Variants in FRMD4A observed in about 807,000 individuals in gnomAD.
The protein encoded by FRMD4A is FERM domain-containing protein 4A.
A neutral mutation model predicts 129.1 loss-of-function variants in FRMD4A; 29 were observed. The observed-to-expected ratio is 0.22, with a 90% confidence interval of 0.17 to 0.31. The LOEUF is 0.31. Ranked by LOEUF, FRMD4A falls within the 10% of genes least tolerant of loss-of-function variation. The probability of loss-of-function intolerance (pLI) is 1.00; values close to 1 mark genes in which losing one functional copy is unlikely to be tolerated. For missense variants in FRMD4A, 1,272 were observed against 1,375.8 expected (o/e 0.92, Z 1.19); for synonymous variants, 634 against 571.6 (o/e 1.11, Z -1.56).
chr10:13,694,434 T>A (rs1437859137), intron 14 of FRMD4A, among the ~76,000 whole-genome samples: 1 of 152,026 alleles, frequency 6.6e-6, no homozygotes, highest in Non-Finnish European at 1.5e-5. Context: ...GTGGGAAGGG[T>A]GTTCCTCCCC....
At chr10:13,701,923 G>A (rs1420514378) in intron 13 of FRMD4A, among the ~76,000 whole-genome samples, 2 of 152,144 alleles carry the variant, frequency 1.3e-5, no homozygotes, top group African/African-American at 2.4e-5. Flanking sequence ...CCAGGGAATT[G>A]GGACTTCTTA....
At chr10:14,012,523 A>G (rs1406769315) in intron 2 of FRMD4A, among the ~76,000 whole-genome samples, 1 of 152,170 alleles carries the variant, frequency 6.6e-6, no homozygotes, top group African/African-American at 2.4e-5. Context: ...GGAATGTTCC[A>G]TTGGAGAGAG....
intron 13 of FRMD4A, among the ~76,000 whole-genome samples, chr10:13,706,410 C>G (rs1275192088): frequency 6.6e-6 from 1 of 152,178 alleles, no homozygotes; most frequent in African/African-American, 2.4e-5. Flanking sequence ...CACTGTCTTG[C>G]ATCTGACTTA....
chr10:13,822,416 C>T (rs2093643188), intron 3 of FRMD4A, among the ~76,000 whole-genome samples: 1 of 152,200 alleles, frequency 6.6e-6, no homozygotes, highest in Admixed American at 6.5e-5. Context: ...TTTTGCCAGA[C>T]AGTAAGTTCC....
intron 3 of FRMD4A, among the ~76,000 whole-genome samples, chr10:13,838,865 G>C (rs766869907): frequency 1.3e-5 from 2 of 151,660 alleles, no homozygotes; most frequent in African/African-American, 4.8e-5. Context: ...GACATTGCCC[G>C]TTTTCTTTAT....
At chr10:13,939,115 G>A (rs1037552074) in intron 2 of FRMD4A, among the ~76,000 whole-genome samples, 2 of 152,274 alleles carry the variant, frequency 1.3e-5, no homozygotes, top group East Asian at 1.9e-4. Flanking sequence ...GCAGCTACAC[G>A]GTAAGGCAAG....
At chr10:14,258,743 T>C (rs1427629650) in intron 2 of FRMD4A, among the ~76,000 whole-genome samples, 1 of 152,204 alleles carries the variant, frequency 6.6e-6, no homozygotes, top group African/African-American at 2.4e-5. Flanking sequence ...TTATTTGTGA[T>C]AGCCAAAAAT....
intron 2 of FRMD4A, among the ~76,000 whole-genome samples, chr10:14,020,664 CA>C (rs1368247446): frequency 1.3e-5 from 2 of 150,382 alleles, no homozygotes; most frequent in Admixed American, 6.6e-5. Flanking sequence ...AAGGCAGCCC[CA>C]ATTTTTTTTT....
chr10:14,169,818 C>T (rs1841382957), intron 2 of FRMD4A, among the ~76,000 whole-genome samples: 2 of 152,176 alleles, frequency 1.3e-5, no homozygotes, highest in Admixed American at 1.3e-4. Context: ...TATAGGCTGT[C>T]ATAGGCTTGG....
chr10:13,872,686 G>A (rs2094450862), intron 2 of FRMD4A, among the ~76,000 whole-genome samples: 2 of 152,198 alleles, frequency 1.3e-5, no homozygotes, highest in South Asian at 2.1e-4. Flanking sequence ...GTTCCCTGGG[G>A]GAACAGTGAG....
At chr10:14,231,504 G>T (rs771445308) in intron 2 of FRMD4A, among the ~76,000 whole-genome samples, 12 of 152,044 alleles carry the variant, frequency 7.9e-5, no homozygotes, top group African/African-American at 2.9e-4. Context: ...CACCACGCCC[G>T]GCTAATTTTT....
intron 2 of FRMD4A, among the ~76,000 whole-genome samples, chr10:13,899,002 G>A (rs1359155655): frequency 6.6e-6 from 1 of 151,936 alleles, no homozygotes; most frequent in South Asian, 2.1e-4. Flanking sequence ...GGGCTACATA[G>A]TGAGACCCCT....
chr10:13,908,179 A>AG, intron 2 of FRMD4A, among the ~76,000 whole-genome samples: 1 of 145,234 alleles, frequency 6.9e-6, no homozygotes, highest in East Asian at 1.9e-4. Context: ...AAAAAAAAAA[A>AG]AAAAAAAAAA....
Position 13,858,834 on chromosome 10 carries a change from A to G in FRMD4A, c.111+13T>C, listed in dbSNP as rs2131037794. On this transcript the variant is annotated intron_variant, in intron 3 of 24. Transcript: ENST00000357447. ...ACCAAAGAAACTCAGAAAGTTGACC[A>G]AAAGCGATTTACCTGTACTAGGAGT... 1 of 1,541,256 alleles carries G rather than the reference A, an allele frequency of 6.5e-7. No individual in the cohort carries two copies. The highest frequency in any genetic ancestry group is 9.0e-7 in the Non-Finnish European group (1 of 1,113,594).
intron 2 of FRMD4A, among the ~76,000 whole-genome samples, chr10:14,149,421 T>A (rs1840236309): frequency 6.6e-6 from 1 of 151,990 alleles, no homozygotes; most frequent in South Asian, 2.1e-4. Flanking sequence ...CTCACTGTGG[T>A]CTTAAACTCC....
intron 2 of FRMD4A, among the ~76,000 whole-genome samples, chr10:14,177,510 A>G (rs1361352527): frequency 1.3e-5 from 2 of 152,206 alleles, no homozygotes; most frequent in East Asian, 3.9e-4. Context: ...TATCCTTGAT[A>G]TTAAAAAAAA....
intron 2 of FRMD4A, among the ~76,000 whole-genome samples, chr10:14,258,510 C>T (rs1243233581): frequency 6.6e-6 from 1 of 152,180 alleles, no homozygotes; most frequent in Non-Finnish European, 1.5e-5. Flanking sequence ...TACTACCACA[C>T]ATCTATCCGA....
rs1255998235 is a variant in FRMD4A at position 13,722,245 on chromosome 10, T to C, written c.760-15132A>G. 2.7e-5 allele frequency among the ~76,000 whole-genome samples: 4 copies of C among 150,488 alleles called. No homozygotes were observed. The East Asian group carries it at 7.7e-4, about 29-fold the overall frequency. On this transcript the variant is annotated intron_variant, in intron 12 of 24. Coordinates refer to ENST00000357447, the MANE Select transcript of FRMD4A (RefSeq NM_018027.5). ...CAGGGCTCTTTTTTTTTTTTTTTTTTTCCTGACTCAGGGTCTTGTTCTGTT... is the reference window on the plus strand; with the variant it reads ...CAGGGCTCTTTTTTTTTTTTTTTTTCTCCTGACTCAGGGTCTTGTTCTGTT...
intron 13 of FRMD4A, among the ~76,000 whole-genome samples, chr10:13,704,527 T>C (rs1050459530): frequency 6.6e-6 from 1 of 152,146 alleles, no homozygotes. Context: ...TAATCCTAGT[T>C]ACCCCTCCAG....
Sources: allele counts gnomAD v4.1 joint callset (sites outside exome capture counted in the v4.1 genomes callset), GRCh38; gene constraint gnomAD v4.1.1; transcripts MANE v1.5; gene names NCBI Gene and HGNC (gene_info 2026-07-23, HGNC 2026-07-21).